The following FAM174B variants were observed in gnomAD, a reference collection of about 807,000 sequenced individuals.
FAM174B encodes the protein membrane protein FAM174B.
A neutral mutation model predicts 10.9 loss-of-function variants in FAM174B; 12 were observed. The observed-to-expected ratio is 1.10, with a 90% confidence interval of 0.71 to 1.79. FAM174B has a LOEUF of 1.79. Among genes scored for constraint, FAM174B ranks in the 40% most tolerant of loss-of-function variants. The pLI is 0.00. For synonymous variants in FAM174B, 132 were observed against 115.8 expected (o/e 1.14, Z -0.90); for missense variants, 266 against 233.3 (o/e 1.14, Z -0.91).
intron 1 of FAM174B, among the ~76,000 whole-genome samples, chr15:92,651,701 T>C (rs2050967510): frequency 6.6e-6 from 1 of 152,234 alleles, no homozygotes. Context: ...TATTTAAACC[T>C]TTTCACTATC....
intron 2 of FAM174B, among the ~76,000 whole-genome samples, chr15:92,621,372 G>A (rs541629002): frequency 6.6e-6 from 1 of 152,158 alleles, no homozygotes; most frequent in Non-Finnish European, 1.5e-5. Context: ...AGAACTTTGG[G>A]AGGTCAAGGC....
chr15:92,630,359 A>G lies in FAM174B; in HGVS notation c.345-14T>C, dbSNP rs919170902. The G allele has an allele frequency of 6.2e-7, 1 of 1,603,624 alleles. No individual in the cohort carries two copies. Among genetic ancestry groups the G allele is most frequent in the Non-Finnish European group, 8.5e-7 (1 of 1,174,480 alleles). On this transcript the variant is annotated splice_polypyrimidine_tract_variant and intron_variant, in intron 1 of 2. Coordinates refer to ENST00000327355, the MANE Select transcript of FAM174B (RefSeq NM_207446.3). ...CTCTTTCCCGACCTGCAGGAGAAGAAGCACATTCATGAGAACACAGCTGGG... is the reference window on the plus strand; with the variant it reads ...CTCTTTCCCGACCTGCAGGAGAAGAGGCACATTCATGAGAACACAGCTGGG...
intron 1 of FAM174B, chr15:92,645,638 G>A (rs2050921414): frequency 6.6e-6 from 1 of 152,326 alleles, no homozygotes; most frequent in Admixed American, 6.5e-5. Flanking sequence ...AAGGGGCCAG[G>A]GAAGGGAAGT....
chr15:92,631,588 G>A (rs1267734001), intron 1 of FAM174B, among the ~76,000 whole-genome samples: 5 of 139,026 alleles, frequency 3.6e-5, no homozygotes, highest in South Asian at 4.4e-4. Flanking sequence ...TCCGCCTCCC[G>A]GGTTCACACC....
At chr15:92,654,864 AGAGG>A (rs1006486295) in intron 1 of FAM174B, among the ~76,000 whole-genome samples, 1 of 151,580 alleles carries the variant, frequency 6.6e-6, no homozygotes, top group African/African-American at 2.4e-5. Context: ...GGTAGAAGGG[AGAGG>A]GAGTAGCGAG....
chr15:92,622,759 G>C (rs574130133), intron 2 of FAM174B, among the ~76,000 whole-genome samples: 4 of 152,184 alleles, frequency 2.6e-5, no homozygotes, highest in African/African-American at 9.7e-5. Flanking sequence ...TGGTCCTCTC[G>C]AACTTGTAGG....
At chr15:92,654,867 G>C (rs975819168) in intron 1 of FAM174B, among the ~76,000 whole-genome samples, 3 of 151,976 alleles carry the variant, frequency 2.0e-5, no homozygotes, top group Non-Finnish European at 4.4e-5. Flanking sequence ...AGAAGGGAGA[G>C]GGAGTAGCGA....
At chr15:92,621,244 G>T (rs1307072680) in intron 2 of FAM174B, among the ~76,000 whole-genome samples, 1 of 152,202 alleles carries the variant, frequency 6.6e-6, no homozygotes, top group African/African-American at 2.4e-5. Context: ...TGAGTTAAAA[G>T]TATAGGGTGT....
chr15:92,640,748 G>C (rs2050886256), intron 1 of FAM174B, among the ~76,000 whole-genome samples: 1 of 151,716 alleles, frequency 6.6e-6, no homozygotes, highest in Non-Finnish European at 1.5e-5. Flanking sequence ...AGGTTAAAGT[G>C]TTTATCCTGC....
chr15:92,619,753 T>TAC (rs948148880), intron 2 of FAM174B: 15 of 478,764 alleles, frequency 3.1e-5, no homozygotes, highest in Non-Finnish European at 4.8e-5. Flanking sequence ...CCAGGGTGTT[T>TAC]ACACTAGGGG....
chr15:92,647,038 T>G (rs1371783814), intron 1 of FAM174B, among the ~76,000 whole-genome samples: 1 of 152,208 alleles, frequency 6.6e-6, no homozygotes, highest in Non-Finnish European at 1.5e-5. Flanking sequence ...TTTAAATATT[T>G]TACAGAGCTT....
intron 2 of FAM174B, among the ~76,000 whole-genome samples, chr15:92,626,288 C>T (rs541877360): frequency 6.6e-6 from 1 of 152,080 alleles, no homozygotes; most frequent in South Asian, 2.1e-4. Context: ...TCAGTAGAGA[C>T]AGGGTTTCAC....
In FAM174B at chr15:92,618,723, C is replaced by G. The variant is rs1321155462; in HGVS notation, c.*733G>C. Reference sequence around the variant, plus strand: ...GAGAAACTGTTTTATAGGTATCACACACGTGCACACGCACACACGTGCACA... The same window carrying G: ...GAGAAACTGTTTTATAGGTATCACAGACGTGCACACGCACACACGTGCACA... On this transcript the variant is annotated 3_prime_UTR_variant, in exon 3 of 3. Coordinates refer to ENST00000327355, the MANE Select transcript of FAM174B (RefSeq NM_207446.3). 7.1e-6 allele frequency: 1 copy of G among 141,620 alleles called. No individual in the cohort carries two copies. Among genetic ancestry groups the G allele is most frequent in the African/African-American group, 2.9e-5 (1 of 34,920 alleles). 8.8% of individuals were successfully genotyped at this position (141,620 alleles called of 1,614,324 possible).
chr15:92,637,344 G>A (rs572902787), intron 1 of FAM174B, among the ~76,000 whole-genome samples: 51 of 152,182 alleles, frequency 3.4e-4, no homozygotes, highest in Non-Finnish European at 6.3e-4. Context: ...GGGCAGATTG[G>A]AAAGAGAGAG....
At chr15:92,643,000 C>T (rs964487875) in intron 1 of FAM174B, among the ~76,000 whole-genome samples, 2 of 152,162 alleles carry the variant, frequency 1.3e-5, no homozygotes, top group Non-Finnish European at 2.9e-5. Context: ...AAAGAAAATT[C>T]AGAGACACAT....
chr15:92,646,598 C>A (rs1218966063), intron 1 of FAM174B, among the ~76,000 whole-genome samples: 1 of 152,176 alleles, frequency 6.6e-6, no homozygotes, highest in Non-Finnish European at 1.5e-5. Context: ...GTTGGACATA[C>A]CTGATTCTAC....
At chr15:92,643,905 A>G (rs1455893846) in intron 1 of FAM174B, among the ~76,000 whole-genome samples, 13 of 152,220 alleles carry the variant, frequency 8.5e-5, no homozygotes, top group African/African-American at 3.1e-4. Context: ...AAGAAAATGA[A>G]AATGGATCAT....
chr15:92,642,799 T>C (rs1320976958), intron 1 of FAM174B, among the ~76,000 whole-genome samples: 4 of 152,142 alleles, frequency 2.6e-5, no homozygotes, highest in Admixed American at 6.5e-5. Flanking sequence ...TATCTATCTA[T>C]TGATGAATGG....
At position 92,617,610 on chromosome 15, in the gene FAM174B, C is replaced by T. The variant is rs761538266; in HGVS notation, c.*1846G>A. 4.8e-5 allele frequency: 31 copies of T among 644,694 alleles called. No homozygotes were observed. The highest frequency in any genetic ancestry group is 8.0e-5 in the Non-Finnish European group (29 of 363,096). The allele number at this position is 644,694 out of a possible 1,614,324, so 39.9% of individuals were successfully genotyped here. On this transcript the variant is annotated 3_prime_UTR_variant, in exon 3 of 3. Transcript: ENST00000327355. ...CGTAAGGCAGAGGAATCCAGCTTTTCCATGAGATTCAGCTGCAGTTGTCGA... is the reference window on the plus strand; with the variant it reads ...CGTAAGGCAGAGGAATCCAGCTTTTTCATGAGATTCAGCTGCAGTTGTCGA...
Sources: gnomAD v4.1 joint callset for allele counts (sites outside exome capture counted in the v4.1 genomes callset) on GRCh38, gnomAD v4.1.1 for gene constraint, MANE v1.5 for transcripts, NCBI Gene and HGNC (gene_info 2026-07-23, HGNC 2026-07-21) for gene names.